NEDD4L: variants seen among roughly 807,000 people sequenced by gnomAD.
NEDD4L encodes E3 ubiquitin-protein ligase NEDD4-like.
NEDD4L carries 54 observed loss-of-function variants against 148.9 expected under a neutral mutation model. That is an observed-to-expected ratio of 0.36 (90% confidence interval 0.29 to 0.45). NEDD4L has a LOEUF of 0.45. Among genes scored for constraint, NEDD4L ranks in the 20% least tolerant of loss-of-function variants. The pLI, the probability that NEDD4L is intolerant of heterozygous loss-of-function variation, is 1.00. For missense variants in NEDD4L, 856 were observed against 1,233.8 expected (o/e 0.69, Z 4.59); for synonymous variants, 433 against 440.7 (o/e 0.98, Z 0.22).
At chr18:58,295,080 T>C (rs2055362873) in intron 5 of NEDD4L, among the ~76,000 whole-genome samples, 1 of 152,232 alleles carries the variant, frequency 6.6e-6, no homozygotes, top group Non-Finnish European at 1.5e-5. Flanking sequence ...CAGAGTGGTA[T>C]GTTTGTTACA....
chr18:58,048,325 C>T lies in NEDD4L; in HGVS notation c.48+3617C>T, dbSNP rs139987616. Among the ~76,000 whole-genome samples, 75 of 152,288 alleles carry T rather than the reference C, an allele frequency of 4.9e-4. 1 individual carries two copies. In the East Asian group the frequency reaches 0.014, roughly 28 times the overall value. On this transcript the variant is annotated intron_variant, in intron 1 of 30. Coordinates refer to ENST00000400345, the MANE Select transcript of NEDD4L (RefSeq NM_001144967.3). The stretch of plus-strand genomic sequence containing the variant: ...TTAAGGTTAACTTTTGGCATGGATC[C>T]TGTATGCTTTTCAGTTTAAGATGCT...
chr18:58,103,932 C>T (rs1294349631), intron 1 of NEDD4L, among the ~76,000 whole-genome samples: 1 of 152,234 alleles, frequency 6.6e-6, no homozygotes, highest in East Asian at 1.9e-4. Flanking sequence ...TAAAGGATCT[C>T]TCAGAACCAT....
intron 5 of NEDD4L, among the ~76,000 whole-genome samples, chr18:58,281,477 C>T (rs2053083273): frequency 6.6e-6 from 1 of 152,080 alleles, no homozygotes; most frequent in Non-Finnish European, 1.5e-5. Context: ...CAGTTCTCAC[C>T]ATATTTTCTG....
chr18:58,184,773 A>C (rs889901378), intron 2 of NEDD4L, among the ~76,000 whole-genome samples: 10 of 152,148 alleles, frequency 6.6e-5, no homozygotes, highest in African/African-American at 2.4e-4. Context: ...CTAAAAATAC[A>C]AAAAATTAGC....
chr18:58,063,949 CT>C (rs58608106), intron 1 of NEDD4L, among the ~76,000 whole-genome samples: 109 of 129,668 alleles, frequency 8.4e-4, no homozygotes, highest in Non-Finnish European at 1.3e-3. Flanking sequence ...TATAATGTTT[CT>C]TTTTTTTTTT....
intron 1 of NEDD4L, among the ~76,000 whole-genome samples, chr18:58,127,004 C>G (rs2031235536): frequency 6.6e-6 from 1 of 152,212 alleles, no homozygotes; most frequent in Admixed American, 6.5e-5. Flanking sequence ...TGTCTGCATT[C>G]CTGTCGGGAT....
intron 2 of NEDD4L, among the ~76,000 whole-genome samples, chr18:58,218,681 AT>A (rs1188587500): frequency 1.3e-5 from 2 of 152,148 alleles, no homozygotes; most frequent in African/African-American, 2.4e-5. Context: ...GACACATCGA[AT>A]CCCCCACAAC....
chr18:58,338,960 C>G (rs1264540856), intron 13 of NEDD4L, among the ~76,000 whole-genome samples: 1 of 152,126 alleles, frequency 6.6e-6, no homozygotes, highest in Non-Finnish European at 1.5e-5. Context: ...ATTCATACAG[C>G]TTTAGGATTC....
Position 58,365,981 on chromosome 18 carries a change from C to A in NEDD4L, c.1834-18C>A, listed in dbSNP as rs767290756. 1 of 1,548,062 alleles carries A rather than the reference C, an allele frequency of 6.5e-7. No individual in the cohort carries two copies. On this transcript the variant is annotated intron_variant, in intron 20 of 30. Transcript: ENST00000400345. ...TATTTACTGTATGATTATGTGTTTT[C>A]TTTTGTCTTTTGTGTAGGCTGATAT...
chr18:58,121,788 T>C (rs2029952076), intron 1 of NEDD4L, among the ~76,000 whole-genome samples: 1 of 152,234 alleles, frequency 6.6e-6, no homozygotes, highest in Non-Finnish European at 1.5e-5. Flanking sequence ...ATGAATGCAA[T>C]CTTGAAAAAT....
At chr18:58,141,865 T>G (rs2033546809) in intron 1 of NEDD4L, among the ~76,000 whole-genome samples, 1 of 152,110 alleles carries the variant, frequency 6.6e-6, no homozygotes, top group Non-Finnish European at 1.5e-5. Context: ...GCTCAGCTCT[T>G]GCATTCCCAG....
intron 13 of NEDD4L, among the ~76,000 whole-genome samples, chr18:58,340,768 C>T (rs981286125): frequency 2.0e-5 from 3 of 152,160 alleles, no homozygotes; most frequent in Non-Finnish European, 4.4e-5. Flanking sequence ...ATCACCTTGG[C>T]AGCAACCCTT....
intron 2 of NEDD4L, among the ~76,000 whole-genome samples, chr18:58,236,079 A>G (rs920240224): frequency 3.3e-5 from 5 of 151,782 alleles, no homozygotes; most frequent in Non-Finnish European, 7.4e-5. Context: ...GTCTTTGGCC[A>G]AGTGTAGTGG....
In NEDD4L at chr18:58,146,716, G is replaced by T. The variant is rs1159475518; in HGVS notation, c.49-19072G>T. On this transcript the variant is annotated intron_variant, in intron 1 of 30. Coordinates refer to ENST00000400345, the MANE Select transcript of NEDD4L (RefSeq NM_001144967.3). ...TGCAGTGGCTAGGGAGGCAGGCAGG[G>T]TGAGGATGTGGAAGGGTGCAGAGCT... Among the ~76,000 whole-genome samples, 5 of 152,012 alleles carry T rather than the reference G, an allele frequency of 3.3e-5. No individual in the cohort carries two copies. In the South Asian group the frequency reaches 1.0e-3, roughly 31 times the overall value.
At chr18:58,050,864 T>G (rs562016840) in intron 1 of NEDD4L, among the ~76,000 whole-genome samples, 2 of 152,322 alleles carry the variant, frequency 1.3e-5, no homozygotes, top group African/African-American at 2.4e-5. Flanking sequence ...CAGAATGCAA[T>G]TCAAATGAAA....
intron 30 of NEDD4L, among the ~76,000 whole-genome samples, chr18:58,395,602 T>G (rs977991357): frequency 1.3e-5 from 2 of 152,106 alleles, no homozygotes; most frequent in African/African-American, 4.8e-5. Context: ...GCACTGGTGT[T>G]CCCGAGCCCC....
intron 5 of NEDD4L, among the ~76,000 whole-genome samples, chr18:58,263,642 TA>T (rs2049776934): frequency 6.8e-6 from 1 of 146,070 alleles, no homozygotes; most frequent in Non-Finnish European, 1.5e-5. Context: ...AGCGTGATAA[TA>T]AATCCTACTT....
At chr18:58,110,085 C>G (rs953632092) in intron 1 of NEDD4L, among the ~76,000 whole-genome samples, 1 of 152,118 alleles carries the variant, frequency 6.6e-6, no homozygotes, top group Admixed American at 6.5e-5. Context: ...CCCAGGAGGA[C>G]AGATTGCAGA....
chr18:58,325,617 A>C (rs1230012370), intron 9 of NEDD4L, among the ~76,000 whole-genome samples: 1 of 152,204 alleles, frequency 6.6e-6, no homozygotes, highest in Non-Finnish European at 1.5e-5. Flanking sequence ...AAACCTCAAA[A>C]ATTTTTTTTT....
Sources: allele counts gnomAD v4.1 joint callset (sites outside exome capture counted in the v4.1 genomes callset), GRCh38; gene constraint gnomAD v4.1.1; transcripts MANE v1.5; gene names NCBI Gene and HGNC (gene_info 2026-07-23, HGNC 2026-07-21).